The following SHISA9 variants were observed in gnomAD, a reference collection of about 807,000 sequenced individuals.
SHISA9 encodes the protein protein shisa-9.
A neutral mutation model predicts 38.0 loss-of-function variants in SHISA9; 13 were observed. That is an observed-to-expected ratio of 0.34 (90% confidence interval 0.22 to 0.54). SHISA9 has a LOEUF of 0.54. Ranked by LOEUF, SHISA9 falls within the 20% of genes least tolerant of loss-of-function variation. The probability of loss-of-function intolerance (pLI) is 0.91; values close to 1 mark genes in which losing one functional copy is unlikely to be tolerated. For missense variants in SHISA9, 538 were observed against 575.8 expected, an observed-to-expected ratio of 0.93 and a Z score of 0.67; for synonymous variants, 275 against 242.0, an observed-to-expected ratio of 1.14 and a Z score of -1.27.
the SHISA9 span, among the ~76,000 whole-genome samples, chr16:13,398,698 G>A: frequency 1.3e-5 from 2 of 151,994 alleles, no homozygotes; most frequent in East Asian, 2.0e-4. Flanking sequence ...TTTTAGTAGA[G>A]ACAGAGTTTC....
rs73507151 is a variant in SHISA9 at position 13,212,980 on chromosome 16, C to G, written c.848-273C>G. On this transcript the variant is annotated intron_variant, in intron 3 of 4. Coordinates refer to ENST00000558583, the MANE Select transcript of SHISA9 (RefSeq NM_001145204.3). ...ACCTAAGAATTATCTTTCTGCCTTA[C>G]GTAACTGAAAATATCTCGGCCTTTT... Among the ~76,000 whole-genome samples the G allele has an allele frequency of 9.2e-3, 1,394 of 152,268 alleles. 17 individuals are homozygous for G. Among genetic ancestry groups the G allele is most frequent in the African/African-American group, 0.032 (1,349 of 41,548 alleles).
the SHISA9 span, among the ~76,000 whole-genome samples, chr16:13,247,485 C>G: frequency 9.2e-5 from 14 of 152,296 alleles, no homozygotes; most frequent in Middle Eastern, 3.4e-3. Context: ...GAGCGAGAAT[C>G]TAAACCTGGA....
At chr16:13,125,439 T>A (rs1189996845) in intron 2 of SHISA9, among the ~76,000 whole-genome samples, 2 of 152,204 alleles carry the variant, frequency 1.3e-5, no homozygotes, top group Non-Finnish European at 2.9e-5. Flanking sequence ...TAGCTTCACC[T>A]CTTTGAGTCT....
chr16:13,314,871 G>A, the SHISA9 span, among the ~76,000 whole-genome samples: 1 of 152,210 alleles, frequency 6.6e-6, no homozygotes. Flanking sequence ...TTTCAATTAT[G>A]CAGGATGAAT....
chr16:13,540,175 A>AC, the SHISA9 span, among the ~76,000 whole-genome samples: 35 of 144,608 alleles, frequency 2.4e-4, no homozygotes, highest in African/African-American at 8.4e-4. Flanking sequence ...ACACAGATAT[A>AC]TGCATGTGCA....
chr16:13,373,173 C>G, the SHISA9 span, among the ~76,000 whole-genome samples: 1 of 152,136 alleles, frequency 6.6e-6, no homozygotes, highest in Admixed American at 6.5e-5. Context: ...AAGCAAAATG[C>G]CTTACCCTGC....
chr16:13,171,748 T>C (rs1485609953), intron 2 of SHISA9, among the ~76,000 whole-genome samples: 1 of 152,224 alleles, frequency 6.6e-6, no homozygotes, highest in Non-Finnish European at 1.5e-5. Flanking sequence ...GGGTAAGGAC[T>C]GTCATCTTTA....
At chr16:13,363,534 G>C in the SHISA9 span, among the ~76,000 whole-genome samples, 1 of 152,184 alleles carries the variant, frequency 6.6e-6, no homozygotes. Flanking sequence ...CAGAAGAGTA[G>C]GGAAGTGTAT....
At chr16:13,532,828 G>T in the SHISA9 span, among the ~76,000 whole-genome samples, 2 of 151,966 alleles carry the variant, frequency 1.3e-5, no homozygotes, top group Non-Finnish European at 2.9e-5. Context: ...GAAGATTCCA[G>T]CACCTGGATC....
At chr16:13,158,434 A>C (rs1363022828) in intron 2 of SHISA9, among the ~76,000 whole-genome samples, 2 of 152,218 alleles carry the variant, frequency 1.3e-5, no homozygotes, top group Non-Finnish European at 2.9e-5. Context: ...GAGAGAAAAA[A>C]TAGCCAGAAC....
the SHISA9 span, among the ~76,000 whole-genome samples, chr16:13,308,732 A>G: frequency 6.6e-6 from 1 of 152,206 alleles, no homozygotes; most frequent in African/African-American, 2.4e-5. Flanking sequence ...CATTGATTCA[A>G]TATAGATTGA....
At chr16:12,946,038 G>T (rs1420639084) in intron 2 of SHISA9, among the ~76,000 whole-genome samples, 2 of 152,210 alleles carry the variant, frequency 1.3e-5, no homozygotes, top group Admixed American at 1.3e-4. Flanking sequence ...AACCTGGGAG[G>T]GGGAGGTTGT....
chr16:13,487,169 C>T, the SHISA9 span, among the ~76,000 whole-genome samples: 1 of 152,174 alleles, frequency 6.6e-6, no homozygotes, highest in Non-Finnish European at 1.5e-5. Flanking sequence ...GTTCCAGGAC[C>T]CTGGCAGATA....
intron 1 of SHISA9, chr16:12,908,877 C>G (rs908155910): frequency 2.5e-5 from 27 of 1,076,306 alleles, no homozygotes; most frequent in Non-Finnish European, 2.6e-5. Context: ...ATTTTGTCCA[C>G]CTTCAAACAG....
intron 2 of SHISA9, among the ~76,000 whole-genome samples, chr16:12,990,623 G>A (rs780479548): frequency 2.6e-5 from 4 of 152,154 alleles, no homozygotes; most frequent in Non-Finnish European, 5.9e-5. Context: ...GGGACATGTG[G>A]CAATGTCTGA....
chr16:13,216,696 G>T (rs765373021), intron 4 of SHISA9, among the ~76,000 whole-genome samples: 1 of 152,142 alleles, frequency 6.6e-6, no homozygotes, highest in Non-Finnish European at 1.5e-5. Context: ...AGCAGTGGGG[G>T]AGATGGGAAA....
chr16:13,044,068 A>G (rs1326981625), intron 2 of SHISA9, among the ~76,000 whole-genome samples: 3 of 152,216 alleles, frequency 2.0e-5, no homozygotes, highest in Non-Finnish European at 4.4e-5. Flanking sequence ...CTCTGGCTAG[A>G]GTTTGAAACT....
chr16:13,187,894 T>C (rs2050843648), intron 2 of SHISA9, among the ~76,000 whole-genome samples: 1 of 152,168 alleles, frequency 6.6e-6, no homozygotes, highest in Non-Finnish European at 1.5e-5. Flanking sequence ...GAACATTTCA[T>C]GAATAAAGCC....
intron 4 of SHISA9, among the ~76,000 whole-genome samples, chr16:13,229,436 T>G (rs1686369944): frequency 6.6e-6 from 1 of 152,146 alleles, no homozygotes; most frequent in South Asian, 2.1e-4. Context: ...ATACTTCCCT[T>G]TAGTTCTCTA....
Sources: allele counts gnomAD v4.1 joint callset (sites outside exome capture counted in the v4.1 genomes callset), GRCh38; gene constraint gnomAD v4.1.1; transcripts MANE v1.5; gene names NCBI Gene and HGNC (gene_info 2026-07-23, HGNC 2026-07-21).